Variants in PIK3CB observed in about 807,000 individuals in gnomAD.
The protein encoded by PIK3CB is phosphatidylinositol 4,5-bisphosphate 3-kinase catalytic subunit beta isoform.
PIK3CB carries 39 observed loss-of-function variants against 136.8 expected under a neutral mutation model. The ratio of observed to expected loss-of-function variants is 0.29; its 90% CI spans 0.22 to 0.37. PIK3CB has a LOEUF of 0.37. Among genes scored for constraint, PIK3CB ranks in the 10% least tolerant of loss-of-function variants. The pLI, the probability that PIK3CB is intolerant of heterozygous loss-of-function variation, is 1.00. For missense variants in PIK3CB, 868 were observed against 1,275.4 expected (o/e 0.68, Z 4.87); for synonymous variants, 428 against 436.6 (o/e 0.98, Z 0.25).
At chr3:138,788,109 G>C (rs1026009973) in intron 2 of PIK3CB, among the ~76,000 whole-genome samples, 1 of 151,828 alleles carries the variant, frequency 6.6e-6, no homozygotes, top group Non-Finnish European at 1.5e-5. Flanking sequence ...TTTTGGTGGA[G>C]ATGGGGTTTT....
chr3:138,820,607 C>T (rs1387724047), intron 1 of PIK3CB, among the ~76,000 whole-genome samples: 1 of 152,170 alleles, frequency 6.6e-6, no homozygotes, highest in Non-Finnish European at 1.5e-5. Flanking sequence ...AATTCTCCTG[C>T]CTCGGCCTCC....
At chr3:138,809,606 CAAAAAAAA>C (rs57717750) in intron 1 of PIK3CB, among the ~76,000 whole-genome samples, 1 of 113,672 alleles carries the variant, frequency 8.8e-6, no homozygotes, top group Admixed American at 1.1e-4. Context: ...GACTTTGCCT[CAAAAAAAA>C]AAAAAAAAAA....
chr3:138,694,774 T>G lies in PIK3CB; in HGVS notation c.1892+12A>C. 6.2e-7 allele frequency: 1 copy of G among 1,610,844 alleles called. No homozygotes were observed. The highest frequency in any genetic ancestry group is 1.7e-4 in the Middle Eastern group (1 of 6,044). On this transcript the variant is annotated intron_variant, in intron 14 of 23. Coordinates refer to ENST00000674063, the MANE Select transcript of PIK3CB (RefSeq NM_006219.3). ...ATTCCTTGCCCCAAAGAAAACCACC[T>G]GCAGAAGATACCTCATCTGTCGCAG...
chr3:138,673,767 C>T (rs554655627), intron 19 of PIK3CB, among the ~76,000 whole-genome samples: 2 of 152,250 alleles, frequency 1.3e-5, no homozygotes, highest in South Asian at 4.2e-4. Context: ...AGTCCCAACC[C>T]CCTTCCCAGT....
At chr3:138,701,227 CAAAA>C (rs1359047212) in intron 12 of PIK3CB, among the ~76,000 whole-genome samples, 1 of 142,344 alleles carries the variant, frequency 7.0e-6, no homozygotes, top group South Asian at 2.2e-4. Flanking sequence ...AAAAAAAAAA[CAAAA>C]AACAAACAAA....
At chr3:138,826,023 T>A in intron 1 of PIK3CB, 1 of 1,409,548 alleles carries the variant, frequency 7.1e-7, no homozygotes, top group Non-Finnish European at 9.9e-7. Flanking sequence ...GCCACTGTAC[T>A]GGATTGTCAC....
At chr3:138,771,223 CTTTT>C (rs34387538) in intron 2 of PIK3CB, among the ~76,000 whole-genome samples, 1 of 129,836 alleles carries the variant, frequency 7.7e-6, no homozygotes, top group African/African-American at 2.8e-5. Context: ...TTCATTTTGC[CTTTT>C]TTTTTTTTTT....
chr3:138,771,486 G>A (rs1364948811), intron 2 of PIK3CB, among the ~76,000 whole-genome samples: 1 of 152,048 alleles, frequency 6.6e-6, no homozygotes, highest in African/African-American at 2.4e-5. Context: ...CCAAAGTGCT[G>A]GGATTACAGG....
chr3:138,705,192 A>AAAAAAAAAAAAAAAAAAAAG, intron 11 of PIK3CB, among the ~76,000 whole-genome samples: 1 of 138,314 alleles, frequency 7.2e-6, no homozygotes, highest in Non-Finnish European at 1.5e-5. Flanking sequence ...AAAACAAACA[A>AAAAAAAAAAAAAAAAAAAAG]AAAAAAAAAC....
At chr3:138,809,823 A>C (rs192539726) in intron 1 of PIK3CB, among the ~76,000 whole-genome samples, 3 of 152,276 alleles carry the variant, frequency 2.0e-5, no homozygotes, top group Non-Finnish European at 4.4e-5. Context: ...CTATCAGCTG[A>C]GAGAGCTTAG....
At chr3:138,828,522 G>GA (rs1024400530) in intron 1 of PIK3CB, among the ~76,000 whole-genome samples, 9 of 152,072 alleles carry the variant, frequency 5.9e-5, no homozygotes, top group African/African-American at 2.2e-4. Flanking sequence ...TCTGGTTCCT[G>GA]AAAATACTCC....
At chr3:138,808,754 A>C (rs866569161) in intron 1 of PIK3CB, among the ~76,000 whole-genome samples, 19 of 151,000 alleles carry the variant, frequency 1.3e-4, no homozygotes, top group African/African-American at 4.2e-4. Context: ...CTCTCTCTAT[A>C]TATATATACA....
At chr3:138,670,081 T>G (rs963108762) in intron 19 of PIK3CB, among the ~76,000 whole-genome samples, 1 of 152,240 alleles carries the variant, frequency 6.6e-6, no homozygotes, top group Admixed American at 6.5e-5. Flanking sequence ...ATGCTTCCCA[T>G]CAGCTAGACA....
intron 10 of PIK3CB, among the ~76,000 whole-genome samples, chr3:138,711,700 C>T (rs1161065909): frequency 1.3e-5 from 2 of 151,454 alleles, no homozygotes; most frequent in East Asian, 1.9e-4. Flanking sequence ...TGTCCCATAG[C>T]GAGACTAGAC....
chr3:138,831,762 T>C (rs1294591700), intron 1 of PIK3CB, among the ~76,000 whole-genome samples: 1 of 152,120 alleles, frequency 6.6e-6, no homozygotes, highest in Non-Finnish European at 1.5e-5. Context: ...CCATGTTTAC[T>C]AAAAATACAA....
chr3:138,722,486 A>T (rs2044749092), intron 8 of PIK3CB, among the ~76,000 whole-genome samples: 1 of 152,166 alleles, frequency 6.6e-6, no homozygotes, highest in Non-Finnish European at 1.5e-5. Context: ...AATTTTACAA[A>T]TGATTATTTT....
chr3:138,730,665 G>A (rs893576843), intron 8 of PIK3CB, among the ~76,000 whole-genome samples: 2 of 152,170 alleles, frequency 1.3e-5, no homozygotes, highest in South Asian at 2.1e-4. Context: ...GCTTGTGCCT[G>A]TAATCCCAGT....
intron 4 of PIK3CB, among the ~76,000 whole-genome samples, chr3:138,747,089 T>C (rs1379985828): frequency 4.7e-5 from 4 of 85,326 alleles, no homozygotes; most frequent in African/African-American, 2.0e-4. Flanking sequence ...TATATATATA[T>C]ATATATATAT....
chr3:138,762,001 C>T, intron 2 of PIK3CB, among the ~76,000 whole-genome samples: 1 of 149,880 alleles, frequency 6.7e-6, no homozygotes, highest in South Asian at 2.1e-4. Flanking sequence ...AATCCCAGTA[C>T]TTTGGGAGGC....
Sources: gnomAD v4.1 joint callset for allele counts (sites outside exome capture counted in the v4.1 genomes callset) on GRCh38, gnomAD v4.1.1 for gene constraint, MANE v1.5 for transcripts, NCBI Gene and HGNC (gene_info 2026-07-23, HGNC 2026-07-21) for gene names.